Variants in RBM27 observed in about 807,000 individuals in gnomAD.
RBM27 encodes the protein RNA binding motif protein 27.
In RBM27, 22 loss-of-function variants were observed where a neutral mutation model predicts 135.3. That is an observed-to-expected ratio of 0.16 (90% CI 0.12 to 0.23). The LOEUF is 0.23. RBM27 is among the 10% of genes least tolerant of loss of function. The pLI is 1.00. For synonymous variants in RBM27, 481 were observed against 442.4 expected, an observed-to-expected ratio of 1.09 and a Z score of -1.10; for missense variants, 1,009 against 1,281.0, an observed-to-expected ratio of 0.79 and a Z score of 3.24.
chr5:146,277,033 T>G (rs1759119701), intron 19 of RBM27, among the ~76,000 whole-genome samples: 1 of 152,248 alleles, frequency 6.6e-6, no homozygotes, highest in Non-Finnish European at 1.5e-5. Flanking sequence ...GGTGAAAATA[T>G]AATTTTCGTA....
chr5:146,234,589 A>C (rs1757081298), intron 7 of RBM27, among the ~76,000 whole-genome samples: 1 of 152,204 alleles, frequency 6.6e-6, no homozygotes, highest in South Asian at 2.1e-4. Context: ...TAAAATGGTC[A>C]TTTAAAAAGC....
intron 8 of RBM27, among the ~76,000 whole-genome samples, chr5:146,247,397 G>T (rs1174278812): frequency 2.0e-5 from 3 of 152,064 alleles, no homozygotes; most frequent in Non-Finnish European, 1.5e-5. Context: ...TATCCAGTTA[G>T]TTTTCATATT....
At chr5:146,260,101 C>A (rs1168963364) in intron 11 of RBM27, among the ~76,000 whole-genome samples, 1 of 151,150 alleles carries the variant, frequency 6.6e-6, no homozygotes, top group African/African-American at 2.4e-5. Context: ...GAGTTCAAGA[C>A]CAGCCTGGCC....
In RBM27 at chr5:146,229,226, A is replaced by G. The variant is rs897578672; in HGVS notation, c.395+189A>G. The stretch of plus-strand genomic sequence containing the variant: ...TTGTCTTACTTTCTGTTCCTTTTAT[A>G]AACAGTCATTATTATGTGTTTTCCC... On this transcript the variant is annotated intron_variant, in intron 4 of 20. Coordinates refer to ENST00000265271, the MANE Select transcript of RBM27 (RefSeq NM_018989.2). Among the ~76,000 whole-genome samples, 7 of 151,340 alleles carry G rather than the reference A, an allele frequency of 4.6e-5. No individual in the cohort carries two copies. In the East Asian group the frequency reaches 5.8e-4, roughly 12 times the overall value.
At chr5:146,252,341 T>G (rs1757926269) in intron 9 of RBM27, among the ~76,000 whole-genome samples, 1 of 152,226 alleles carries the variant, frequency 6.6e-6, no homozygotes, top group Non-Finnish European at 1.5e-5. Context: ...TTTCTCCTAT[T>G]GACATACGTA....
chr5:146,258,768 ATT>A (rs376613663), intron 11 of RBM27, among the ~76,000 whole-genome samples, 175 bp downstream of exon 11: 6,864 of 145,624 alleles, frequency 0.047, 550 homozygotes, highest in African/African-American at 0.16. Flanking sequence ...AATATTTATA[ATT>A]TTTTTTTTTT....
chr5:146,232,726 G>A (rs931041371), intron 6 of RBM27, among the ~76,000 whole-genome samples: 4 of 151,840 alleles, frequency 2.6e-5, no homozygotes, highest in Non-Finnish European at 4.4e-5. Flanking sequence ...GTGCCACCAC[G>A]CCCAGCTAAT....
chr5:146,232,296 T>C (rs1215577391), intron 6 of RBM27, among the ~76,000 whole-genome samples: 1 of 152,182 alleles, frequency 6.6e-6, no homozygotes, highest in Non-Finnish European at 1.5e-5. Context: ...AATTCAAGAA[T>C]TACCTCATTC....
chr5:146,251,099 C>G (rs528196368), intron 8 of RBM27, among the ~76,000 whole-genome samples: 133 of 152,258 alleles, frequency 8.7e-4, no homozygotes, highest in African/African-American at 3.2e-3. Context: ...TTTTCCCTTT[C>G]TCAATTTTTG....
chr5:146,260,955 T>C (rs1758371059), intron 12 of RBM27, 57 bp downstream of exon 12: 1 of 1,490,186 alleles, frequency 6.7e-7, no homozygotes, highest in Non-Finnish European at 9.1e-7. Context: ...TTGGGAATAT[T>C]TCTATCAGCT....
In RBM27 at chr5:146,284,610, T is replaced by C. The variant is rs758628680; in HGVS notation, c.2989-12T>C. 3 of 1,531,094 alleles carry C rather than the reference T, an allele frequency of 2.0e-6. No individual in the cohort carries two copies. The highest frequency in any genetic ancestry group is 3.5e-5 in the Admixed American group (2 of 57,470). The allele number at this position is 1,531,094 out of a possible 1,614,324, so 94.8% of individuals were successfully genotyped here. A position where few individuals can be genotyped will look rare whatever the true frequency, so the allele number is the denominator to read the frequency against. Reference sequence around the variant, plus strand: ...AGTGCAAACTTGTATGTTCTTCTAATATATATTTTAGACCGCAAACCAAGG... The same window carrying C: ...AGTGCAAACTTGTATGTTCTTCTAACATATATTTTAGACCGCAAACCAAGG... On this transcript the variant is annotated splice_polypyrimidine_tract_variant and intron_variant, in intron 19 of 20. Transcript: ENST00000265271.
intron 14 of RBM27, among the ~76,000 whole-genome samples, chr5:146,265,418 A>G (rs1307129327): frequency 6.6e-6 from 1 of 152,220 alleles, no homozygotes; most frequent in Non-Finnish European, 1.5e-5. Context: ...TTAACAGGAA[A>G]AAAACCAAAA....
intron 14 of RBM27, among the ~76,000 whole-genome samples, chr5:146,265,313 AT>A (rs1758568909): frequency 6.6e-6 from 1 of 152,190 alleles, no homozygotes; most frequent in Admixed American, 6.5e-5. Flanking sequence ...ATCAGAATAT[AT>A]TAAGTAAAAA....
chr5:146,276,926 G>A (rs1394896454), intron 19 of RBM27, among the ~76,000 whole-genome samples: 1 of 152,106 alleles, frequency 6.6e-6, no homozygotes, highest in Non-Finnish European at 1.5e-5. Context: ...AGGTAATATG[G>A]GTGATTTGTG....
At chr5:146,256,318 T>TA (rs1287507638) in intron 10 of RBM27, among the ~76,000 whole-genome samples, 1 of 146,128 alleles carries the variant, frequency 6.8e-6, no homozygotes, top group South Asian at 2.1e-4. Flanking sequence ...TATATATATA[T>TA]TTTTATATAT....
chr5:146,243,569 A>C (rs1422776039), intron 8 of RBM27, among the ~76,000 whole-genome samples: 1 of 152,220 alleles, frequency 6.6e-6, no homozygotes, highest in East Asian at 1.9e-4. Flanking sequence ...TCTGGTCTCA[A>C]GCCTTTTGGA....
intron 3 of RBM27, among the ~76,000 whole-genome samples, chr5:146,228,650 TG>T (rs1756789531): frequency 6.6e-6 from 1 of 152,068 alleles, no homozygotes; most frequent in African/African-American, 2.4e-5. Context: ...ATCCAGCCTG[TG>T]GTGCAGTGGT....
chr5:146,271,381 C>T (rs368451073), intron 18 of RBM27, 102 bp from the exon 19 acceptor site: 11 of 1,103,142 alleles, frequency 1.0e-5, no homozygotes, highest in East Asian at 2.6e-5. Flanking sequence ...GCCTAGGCAA[C>T]GAGAGTGAAA....
chr5:146,217,827 C>G (rs185320397), intron 1 of RBM27, among the ~76,000 whole-genome samples: 1 of 151,974 alleles, frequency 6.6e-6, no homozygotes. Flanking sequence ...GTGGTGTGAT[C>G]GGCTGACTGC....
Sources: gnomAD v4.1 joint callset for allele counts (sites outside exome capture counted in the v4.1 genomes callset) on GRCh38, gnomAD v4.1.1 for gene constraint, MANE v1.5 for transcripts, NCBI Gene and HGNC (gene_info 2026-07-23, HGNC 2026-07-21) for gene names.